Variants in FARS2 observed in about 807,000 individuals in gnomAD.
FARS2 encodes the protein phenylalanyl-tRNA synthetase 2, mitochondrial.
Under a neutral mutation model 46.4 loss-of-function variants are expected in FARS2, and 40 were observed. That is an observed-to-expected ratio of 0.86 (90% CI 0.67 to 1.12). The LOEUF is 1.12. Among genes scored for constraint, FARS2 ranks in the 50% most tolerant of loss-of-function variants. The pLI is 0.00. For missense variants in FARS2, 513 were observed against 567.9 expected, an observed-to-expected ratio of 0.90 and a Z score of 0.98; for synonymous variants, 234 against 214.9, an observed-to-expected ratio of 1.09 and a Z score of -0.78.
chr6:5,486,730 C>T (rs771698654), intron 4 of FARS2, among the ~76,000 whole-genome samples: 8 of 152,156 alleles, frequency 5.3e-5, no homozygotes, highest in Non-Finnish European at 1.2e-4. Flanking sequence ...GCATTGCTTT[C>T]CTTCATCCCC....
At chr6:5,750,584 G>A (rs1415776913) in intron 6 of FARS2, among the ~76,000 whole-genome samples, 3 of 152,192 alleles carry the variant, frequency 2.0e-5, no homozygotes, top group Admixed American at 2.0e-4. Flanking sequence ...GGGGTTGCAG[G>A]TGCAGGAGGA....
At chr6:5,595,508 G>A (rs923126821) in intron 5 of FARS2, among the ~76,000 whole-genome samples, 9 of 152,256 alleles carry the variant, frequency 5.9e-5, no homozygotes, top group African/African-American at 9.6e-5. Flanking sequence ...ATTCAAGTCC[G>A]CAAATGTTGG....
rs115362690 is a variant in FARS2 at position 5,465,893 on chromosome 6, T to C, written c.904+34721T>C. 5.4e-3 allele frequency among the ~76,000 whole-genome samples: 816 copies of C among 152,244 alleles called. 8 individuals are homozygous for C. The highest frequency in any genetic ancestry group is 0.019 in the African/African-American group (785 of 41,552). On this transcript the variant is annotated intron_variant, in intron 4 of 6. Coordinates refer to ENST00000274680, the MANE Select transcript of FARS2 (RefSeq NM_006567.5). ...GAAAAAAAGAATTTTTTTTCAAAAA[T>C]AGTTTATCAACCTCTGTCTGGATTC...
chr6:5,462,556 TTG>T (rs1765300707), intron 4 of FARS2, among the ~76,000 whole-genome samples: 1 of 152,248 alleles, frequency 6.6e-6, no homozygotes, highest in African/African-American at 2.4e-5. Flanking sequence ...GATTTAAATT[TTG>T]TGTGTGACAT....
intron 5 of FARS2, among the ~76,000 whole-genome samples, chr6:5,550,070 A>C (rs1410105551): frequency 6.6e-6 from 1 of 152,134 alleles, no homozygotes; most frequent in Non-Finnish European, 1.5e-5. Context: ...CCCAAAATAC[A>C]ATGAGTAGGA....
At chr6:5,547,561 C>G (rs1771111052) in intron 5 of FARS2, among the ~76,000 whole-genome samples, 1 of 152,194 alleles carries the variant, frequency 6.6e-6, no homozygotes, top group African/African-American at 2.4e-5. Flanking sequence ...TCTAGCCCTG[C>G]AGCAGAGTTT....
chr6:5,679,579 G>A (rs1474492726), intron 6 of FARS2, among the ~76,000 whole-genome samples: 1 of 152,090 alleles, frequency 6.6e-6, no homozygotes, highest in Non-Finnish European at 1.5e-5. Flanking sequence ...TCTTTTCCCA[G>A]GGTCTCCTAA....
At chr6:5,725,328 G>C (rs1316174054) in intron 6 of FARS2, among the ~76,000 whole-genome samples, 2 of 152,224 alleles carry the variant, frequency 1.3e-5, no homozygotes, top group African/African-American at 4.8e-5. Flanking sequence ...GTTGGGCAAG[G>C]CATTAAGTGC....
chr6:5,253,958 C>T, the FARS2 span, among the ~76,000 whole-genome samples: 3 of 152,104 alleles, frequency 2.0e-5, no homozygotes, highest in Non-Finnish European at 2.9e-5. Flanking sequence ...CTGGTGATGA[C>T]CAGCTCAGTG....
At chr6:5,324,988 G>C (rs1266203207) in intron 1 of FARS2, among the ~76,000 whole-genome samples, 4 of 152,148 alleles carry the variant, frequency 2.6e-5, no homozygotes, top group Non-Finnish European at 4.4e-5. Flanking sequence ...CTGGTTCCTT[G>C]TACTTCTATG....
chr6:5,739,877 C>T (rs1412893253), intron 6 of FARS2, among the ~76,000 whole-genome samples: 1 of 152,178 alleles, frequency 6.6e-6, no homozygotes, highest in Non-Finnish European at 1.5e-5. Context: ...CTGTCATGTT[C>T]CTGCCACCCC....
chr6:5,380,622 C>T (rs1025710813), intron 2 of FARS2, among the ~76,000 whole-genome samples: 1 of 152,168 alleles, frequency 6.6e-6, no homozygotes, highest in African/African-American at 2.4e-5. Flanking sequence ...GCCGGTGCCA[C>T]TCGCATAGTG....
chr6:5,767,951 T>G (rs915641442), intron 6 of FARS2, among the ~76,000 whole-genome samples: 1 of 152,198 alleles, frequency 6.6e-6, no homozygotes, highest in Non-Finnish European at 1.5e-5. Context: ...ATCAATTTTC[T>G]TATCTGTTCA....
intron 6 of FARS2, among the ~76,000 whole-genome samples, chr6:5,698,365 G>A (rs1310501871): frequency 1.3e-5 from 2 of 152,084 alleles, no homozygotes; most frequent in African/African-American, 2.4e-5. Flanking sequence ...GGTGCCACAC[G>A]CACCAGAATT....
At chr6:5,573,412 G>A (rs368249620) in intron 5 of FARS2, among the ~76,000 whole-genome samples, 54 of 152,146 alleles carry the variant, frequency 3.5e-4, no homozygotes, top group Admixed American at 1.0e-3. Context: ...ACACACACAC[G>A]CGTGCGTGCA....
At chr6:5,271,991 C>T (rs1765990118) in intron 1 of FARS2, among the ~76,000 whole-genome samples, 1 of 152,150 alleles carries the variant, frequency 6.6e-6, no homozygotes, top group South Asian at 2.1e-4. Flanking sequence ...CTTAGTTACC[C>T]AGAGTCAACT....
At chr6:5,385,044 T>C (rs1178479792) in intron 2 of FARS2, among the ~76,000 whole-genome samples, 4 of 152,176 alleles carry the variant, frequency 2.6e-5, no homozygotes, top group African/African-American at 9.7e-5. Flanking sequence ...ATCCAGGCAA[T>C]GGCAAAGCTG....
chr6:5,644,979 C>T (rs1286184754), intron 6 of FARS2, among the ~76,000 whole-genome samples: 5 of 152,144 alleles, frequency 3.3e-5, no homozygotes, highest in Non-Finnish European at 5.9e-5. Flanking sequence ...CTCTCAGAGC[C>T]GACTCAGCAC....
At chr6:5,345,795 A>G (rs1052638342) in intron 1 of FARS2, among the ~76,000 whole-genome samples, 2 of 152,242 alleles carry the variant, frequency 1.3e-5, no homozygotes, top group Non-Finnish European at 2.9e-5. Context: ...GTTGGGTTAT[A>G]CAGTAGAATT....
Sources: allele counts gnomAD v4.1 joint callset (sites outside exome capture counted in the v4.1 genomes callset), GRCh38; gene constraint gnomAD v4.1.1; transcripts MANE v1.5; gene names NCBI Gene and HGNC (gene_info 2026-07-23, HGNC 2026-07-21).